Variants in CDC42BPA observed in about 807,000 individuals in gnomAD.
CDC42BPA encodes serine/threonine-protein kinase MRCK alpha.
CDC42BPA carries 80 observed loss-of-function variants against 223.5 expected under a neutral mutation model. That is an observed-to-expected ratio of 0.36 (90% confidence interval 0.30 to 0.43). CDC42BPA has a LOEUF of 0.43. CDC42BPA is among the 20% of genes least tolerant of loss of function. The probability of loss-of-function intolerance (pLI) is 1.00; values close to 1 mark genes in which losing one functional copy is unlikely to be tolerated. For synonymous variants in CDC42BPA, 694 were observed against 718.6 expected (o/e 0.97, Z 0.55); for missense variants, 1,743 against 2,099.9 (o/e 0.83, Z 3.32).
intron 2 of CDC42BPA, among the ~76,000 whole-genome samples, chr1:227,222,104 A>G (rs1676018981): frequency 6.6e-6 from 1 of 150,662 alleles, no homozygotes; most frequent in South Asian, 2.1e-4. Context: ...ATAGTGGTGC[A>G]TGCCTGTGAT....
chr1:227,081,726 T>C (rs1680710191), intron 16 of CDC42BPA, among the ~76,000 whole-genome samples: 1 of 152,076 alleles, frequency 6.6e-6, no homozygotes, highest in African/African-American at 2.4e-5. Flanking sequence ...AGTGCTAGGA[T>C]TACAGGTGTG....
intron 1 of CDC42BPA, among the ~76,000 whole-genome samples, chr1:227,261,118 G>GTTTTTTTTTTTTTTTTTT (rs1351313489): frequency 3.9e-5 from 2 of 51,138 alleles, no homozygotes; most frequent in Admixed American, 2.2e-4. Flanking sequence ...GAATAATTGA[G>GTTTTTTTTTTTTTTTTTT]TTTTTCTTTT....
At chr1:227,113,961 G>A (rs1214271043) in intron 12 of CDC42BPA, among the ~76,000 whole-genome samples, 9 of 144,354 alleles carry the variant, frequency 6.2e-5, no homozygotes, top group Non-Finnish European at 1.3e-4. Flanking sequence ...GAGGCTGCAG[G>A]GAGCTGAGAT....
chr1:227,080,713 TG>T (rs1162239179), intron 17 of CDC42BPA, among the ~76,000 whole-genome samples, 179 bp downstream of exon 17: 1 of 152,194 alleles, frequency 6.6e-6, no homozygotes, highest in Non-Finnish European at 1.5e-5. Flanking sequence ...AACAGAGGAA[TG>T]TAACAGAAAA....
intron 1 of CDC42BPA, among the ~76,000 whole-genome samples, chr1:227,308,345 A>C (rs1692914215): frequency 6.6e-6 from 1 of 152,038 alleles, no homozygotes; most frequent in African/African-American, 2.4e-5. Context: ...GTGTCTACTA[A>C]AATACAAGAA....
chr1:227,315,505 T>G (rs1243876332), intron 1 of CDC42BPA, among the ~76,000 whole-genome samples: 1 of 151,776 alleles, frequency 6.6e-6, no homozygotes, highest in East Asian at 1.9e-4. Context: ...AATCACAGAC[T>G]AGAGTGTCAT....
At chr1:227,263,061 C>T (rs1332147456) in intron 1 of CDC42BPA, among the ~76,000 whole-genome samples, 3 of 152,138 alleles carry the variant, frequency 2.0e-5, no homozygotes, top group Admixed American at 1.3e-4. Context: ...GGTGAAATCT[C>T]GTCTCTACTA....
chr1:227,176,847 T>G (rs1319816886), intron 5 of CDC42BPA, among the ~76,000 whole-genome samples: 2 of 152,140 alleles, frequency 1.3e-5, no homozygotes. Context: ...TACCTGAAAG[T>G]CTGTTTTGTT....
intron 1 of CDC42BPA, among the ~76,000 whole-genome samples, chr1:227,290,346 T>G (rs1689492513): frequency 6.6e-6 from 1 of 152,340 alleles, no homozygotes; most frequent in East Asian, 1.9e-4. Context: ...GCCCCCTTTA[T>G]TACATTTAAT....
At chr1:227,080,797 G>T (rs1680471565) in intron 17 of CDC42BPA, 96 bp downstream of exon 17, 1 of 1,333,742 alleles carries the variant, frequency 7.5e-7, no homozygotes, top group Non-Finnish European at 1.1e-6. Context: ...TCTGACAAAT[G>T]AGATAAAAAC....
intron 11 of CDC42BPA, among the ~76,000 whole-genome samples, chr1:227,128,303 C>T (rs1656276849): frequency 6.6e-6 from 1 of 152,194 alleles, no homozygotes; most frequent in African/African-American, 2.4e-5. Context: ...GTCACCTTCT[C>T]AGTCAGGCCT....
chr1:227,132,515 C>T (rs1489154792), intron 10 of CDC42BPA, among the ~76,000 whole-genome samples: 3 of 138,134 alleles, frequency 2.2e-5, no homozygotes, highest in Admixed American at 7.2e-5. Flanking sequence ...CCTTGGCCTC[C>T]CAAAGAGCCG....
intron 23 of CDC42BPA, among the ~76,000 whole-genome samples, chr1:227,047,134 T>C (rs1392041838): frequency 6.6e-6 from 1 of 152,166 alleles, no homozygotes; most frequent in Non-Finnish European, 1.5e-5. Flanking sequence ...TTACCCCTTC[T>C]ACTATTAAAG....
intron 30 of CDC42BPA, among the ~76,000 whole-genome samples, chr1:227,026,938 C>T (rs1261563606): frequency 2.0e-5 from 3 of 152,040 alleles, no homozygotes; most frequent in Admixed American, 6.5e-5. Flanking sequence ...AACAGGCATG[C>T]AACCACTACA....
At chr1:227,083,904 C>T (rs1681253833) in intron 16 of CDC42BPA, among the ~76,000 whole-genome samples, 1 of 152,192 alleles carries the variant, frequency 6.6e-6, no homozygotes, top group South Asian at 2.1e-4. Flanking sequence ...CCATTTTTCT[C>T]TCTCCAGCCT....
At chr1:227,172,469 T>A (rs1197374392) in intron 5 of CDC42BPA, among the ~76,000 whole-genome samples, 1 of 152,148 alleles carries the variant, frequency 6.6e-6, no homozygotes, top group Non-Finnish European at 1.5e-5. Flanking sequence ...ACAACCCACA[T>A]ACCACATTTA....
intron 2 of CDC42BPA, among the ~76,000 whole-genome samples, chr1:227,228,640 TTC>T (rs1677277746): frequency 1.3e-5 from 2 of 151,450 alleles, no homozygotes; most frequent in African/African-American, 4.9e-5. Context: ...CTATTTTACA[TTC>T]TACCAGCAAT....
chr1:227,153,420 A>G (rs1338184157), intron 6 of CDC42BPA, among the ~76,000 whole-genome samples: 2 of 151,990 alleles, frequency 1.3e-5, no homozygotes, highest in African/African-American at 4.8e-5. Context: ...TTAAAAAGGC[A>G]TATCACTAAA....
At position 227,028,780 on chromosome 1, in the gene CDC42BPA, C is replaced by A; in HGVS notation, c.4309G>T (p.Ala1437Ser). The A allele has an allele frequency of 6.2e-7, 1 of 1,613,956 alleles. No homozygotes were observed. The highest frequency in any genetic ancestry group is 8.5e-7 in the Non-Finnish European group (1 of 1,179,868). ...TATTCTTTACTGGAGATCTCAACTG[C>A]GCAGATAGCATCCATTGGTTGATGT... ...IAHQPMDAIC[A>S]VEISSKEYLL... Residue 1437 changes from alanine to serine, a missense_variant, in exon 30 of 37, where the codon GCA becomes TCA. Around this residue, in one of 6 missense-constraint regions of CDC42BPA, gnomAD observed 678 missense variants for 777.5 expected, o/e 0.87. Coordinates refer to ENST00000366766, the MANE Select transcript of CDC42BPA (RefSeq NM_001394014.1).
Sources: allele counts gnomAD v4.1 joint callset (sites outside exome capture counted in the v4.1 genomes callset), GRCh38; gene constraint gnomAD v4.1.1; regional missense constraint gnomAD v4.1.1; transcripts MANE v1.5; gene names NCBI Gene and HGNC (gene_info 2026-07-23, HGNC 2026-07-21).